The following OSBPL10 variants were observed in gnomAD, a reference collection of about 807,000 sequenced individuals.
OSBPL10 encodes oxysterol binding protein like 10, also known as oxysterol-binding protein-related protein 10.
In OSBPL10, 49 loss-of-function variants were observed where a neutral mutation model predicts 81.7. That is an observed-to-expected ratio of 0.60 (90% CI 0.48 to 0.76). The LOEUF is 0.76. Among genes scored for constraint, OSBPL10 ranks in the 30% least tolerant of loss-of-function variants. The pLI, the probability that OSBPL10 is intolerant of heterozygous loss-of-function variation, is 0.00. For missense variants in OSBPL10, 923 were observed against 987.8 expected, an observed-to-expected ratio of 0.93 and a Z score of 0.88; for synonymous variants, 419 against 383.6, an observed-to-expected ratio of 1.09 and a Z score of -1.08.
rs1405850590 is a variant in OSBPL10, at chr3:32,053,499, T to G, written n.186-6896A>C. 2.0e-5 allele frequency among the ~76,000 whole-genome samples: 3 copies of G among 152,222 alleles called. No individual in the cohort carries two copies. The East Asian group carries it at 5.8e-4, about 29-fold the overall frequency. ...GTTTTCTTAGAGCACTAATCTGCTC[T>G]TTTACAAAAATTGTAAAGGGTTATC... On this transcript the variant is annotated intron_variant and non_coding_transcript_variant, in intron 1 of 3. Coordinates refer to the OSBPL10 transcript ENST00000479173.
chr3:31,806,414 G>A (rs1053028318), intron 4 of OSBPL10, among the ~76,000 whole-genome samples: 26 of 152,306 alleles, frequency 1.7e-4, no homozygotes, highest in Non-Finnish European at 2.8e-4. Flanking sequence ...ATGCATCAAC[G>A]ATAAAAGTCT....
chr3:31,925,320 T>G (rs1035842145), intron 1 of OSBPL10, among the ~76,000 whole-genome samples: 1 of 151,956 alleles, frequency 6.6e-6, no homozygotes, highest in Non-Finnish European at 1.5e-5. Context: ...CCCTCCACAA[T>G]AGGTCCTAAC....
chr3:32,050,661 A>ATT (rs57922283), intron 1 of OSBPL10, among the ~76,000 whole-genome samples: 29 of 140,072 alleles, frequency 2.1e-4, no homozygotes, highest in Non-Finnish European at 3.9e-4. Flanking sequence ...ATACAAAAGG[A>ATT]TTTTTTTTTT....
rs1420645643 is a variant in OSBPL10, at chr3:31,661,802, T to C, written c.*270A>G. 1.5e-5 allele frequency: 5 copies of C among 339,306 alleles called. No individual in the cohort carries two copies. In the South Asian group the frequency reaches 3.7e-4, roughly 25 times the overall value. The allele number at this position is 339,306 out of a possible 1,614,324, so 21.0% of individuals were successfully genotyped here. Reference sequence around the variant, plus strand: ...AACCTTGGTGAGTGCAGTATTTAAATGTGTAATCATACTCAGATGTTTACA... The same window carrying C: ...AACCTTGGTGAGTGCAGTATTTAAACGTGTAATCATACTCAGATGTTTACA... On this transcript the variant is annotated 3_prime_UTR_variant, in exon 12 of 12. Coordinates refer to ENST00000396556, the MANE Select transcript of OSBPL10 (RefSeq NM_017784.5).
chr3:32,019,966 C>T (rs1699347185), intron 2 of OSBPL10, among the ~76,000 whole-genome samples: 1 of 152,156 alleles, frequency 6.6e-6, no homozygotes, highest in Admixed American at 6.5e-5. Flanking sequence ...AACACGAACC[C>T]TGAATTTGCG....
In OSBPL10 at chr3:31,989,425, T is replaced by C. The variant is rs74814440; in HGVS notation, n.298+57066A>G. 9.1e-5 allele frequency: 147 copies of C among 1,614,172 alleles called. 1 individual carries two copies. The East Asian group carries it at 3.2e-3, about 35-fold the overall frequency. ...AGATATTCATGACTTTGAGTTTCAA[T>C]GGCAAGAAGACAAAAGAAATAGCCA... is the stretch of plus-strand genomic sequence containing the variant. On this transcript the variant is annotated intron_variant and non_coding_transcript_variant, in intron 2 of 3. Coordinates refer to the OSBPL10 transcript ENST00000479173.
At chr3:31,792,131 A>G (rs1462525318) in intron 4 of OSBPL10, among the ~76,000 whole-genome samples, 1 of 151,782 alleles carries the variant, frequency 6.6e-6, no homozygotes, top group Non-Finnish European at 1.5e-5. Flanking sequence ...CGTGACACTG[A>G]GCTTAGTAAA....
chr3:31,761,809 T>C, intron 4 of OSBPL10, among the ~76,000 whole-genome samples: 1 of 73,068 alleles, frequency 1.4e-5, no homozygotes. Context: ...AGCAAGACTG[T>C]CTCTAAAAAA....
At chr3:31,733,439 A>G (rs758741048) in intron 5 of OSBPL10, 28 bp from the exon 6 acceptor site, 1 of 1,613,970 alleles carries the variant, frequency 6.2e-7, no homozygotes, top group Admixed American at 1.7e-5. Flanking sequence ...AATGATGCCA[A>G]GTATTTTCCA....
intron 3 of OSBPL10, among the ~76,000 whole-genome samples, chr3:31,837,692 A>G (rs1003387733): frequency 6.6e-6 from 1 of 151,662 alleles, no homozygotes; most frequent in East Asian, 1.9e-4. Context: ...GTTGCCAGAT[A>G]TATGATGAAT....
chr3:31,692,292 A>AC, intron 7 of OSBPL10, among the ~76,000 whole-genome samples: 1 of 152,248 alleles, frequency 6.6e-6, no homozygotes, highest in East Asian at 1.9e-4. Context: ...AAAAATACCA[A>AC]CCTTCTAGGC....
intron 1 of OSBPL10, among the ~76,000 whole-genome samples, chr3:31,930,349 A>G (rs1030035610): frequency 2.0e-5 from 3 of 152,200 alleles, no homozygotes; most frequent in African/African-American, 7.2e-5. Flanking sequence ...TCCTATTGAT[A>G]GGCACTTTCT....
chr3:31,857,551 T>G (rs1488443685), intron 3 of OSBPL10, among the ~76,000 whole-genome samples: 1 of 151,698 alleles, frequency 6.6e-6, no homozygotes, highest in Non-Finnish European at 1.5e-5. Flanking sequence ...CAAAAGAGCC[T>G]CGGCTCCAGG....
intron 8 of OSBPL10, among the ~76,000 whole-genome samples, chr3:31,674,308 C>G (rs771908305): frequency 2.6e-5 from 4 of 152,036 alleles, no homozygotes; most frequent in Non-Finnish European, 5.9e-5. Context: ...AATCCCAGCA[C>G]TTTGGGAGGT....
At chr3:31,971,700 A>G (rs2125492158) in intron 1 of OSBPL10, among the ~76,000 whole-genome samples, 1 of 152,322 alleles carries the variant, frequency 6.6e-6, no homozygotes, top group South Asian at 2.1e-4. Context: ...TCTAAGTGTA[A>G]TTATAGGGAA....
chr3:31,685,934 G>T (rs1351728634), intron 7 of OSBPL10, among the ~76,000 whole-genome samples: 1 of 152,198 alleles, frequency 6.6e-6, no homozygotes, highest in Non-Finnish European at 1.5e-5. Flanking sequence ...GTGGGGACTA[G>T]TAGAAGGTGT....
At chr3:31,745,553 C>T (rs1697493983) in intron 5 of OSBPL10, among the ~76,000 whole-genome samples, 1 of 152,232 alleles carries the variant, frequency 6.6e-6, no homozygotes, top group South Asian at 2.1e-4. Context: ...CGGTTCCTGG[C>T]CTCAGTTTGG....
chr3:31,962,739 T>G (rs567858895), intron 1 of OSBPL10, among the ~76,000 whole-genome samples: 1 of 152,308 alleles, frequency 6.6e-6, no homozygotes, highest in African/African-American at 2.4e-5. Context: ...CAGGAGCACA[T>G]AAAGTCTTGT....
intron 3 of OSBPL10, among the ~76,000 whole-genome samples, chr3:31,833,573 A>G (rs960537946): frequency 6.6e-6 from 1 of 152,158 alleles, no homozygotes; most frequent in African/African-American, 2.4e-5. Context: ...ACAAAATCAT[A>G]AGCAGTCGCT....
Sources: allele counts gnomAD v4.1 joint callset (sites outside exome capture counted in the v4.1 genomes callset), GRCh38; gene constraint gnomAD v4.1.1; transcripts MANE v1.5; gene names NCBI Gene and HGNC (gene_info 2026-07-23, HGNC 2026-07-21).